The following COL20A1 variants were observed in gnomAD, a reference collection of about 807,000 sequenced individuals.
The protein encoded by COL20A1 is collagen alpha-1(XX) chain.
In COL20A1, 164 loss-of-function variants were observed where a neutral mutation model predicts 152.9. The observed-to-expected ratio is 1.07, with a 90% CI of 0.94 to 1.22. The LOEUF (loss-of-function observed/expected upper bound fraction) is 1.22. COL20A1 is among the 50% of genes most tolerant of loss of function. COL20A1 has a pLI of 0.00. For missense variants in COL20A1, 1,873 were observed against 1,744.8 expected (o/e 1.07, Z -1.31); for synonymous variants, 864 against 756.0 (o/e 1.14, Z -2.34).
In COL20A1 at chr20:63,320,024, C is replaced by T. The variant is rs375000633; in HGVS notation, c.2917-15C>T. 172 of 1,550,440 alleles carry T rather than the reference C, an allele frequency of 1.1e-4. No homozygotes were observed. The highest frequency in any genetic ancestry group is 1.2e-4 in the Non-Finnish European group (141 of 1,147,618). ...CCCGCCTGGGCTGTGGAGAACCTCC[C>T]GTGCCGTCTCACAGGTGCACGTGGC... On this transcript the variant is annotated splice_polypyrimidine_tract_variant and intron_variant, in intron 23 of 35. Coordinates refer to ENST00000358894, the MANE Select transcript of COL20A1 (RefSeq NM_020882.4).
intron 2 of COL20A1, among the ~76,000 whole-genome samples, chr20:63,296,423 C>G (rs2067794742): frequency 6.6e-6 from 1 of 152,278 alleles, no homozygotes; most frequent in Admixed American, 6.5e-5. Context: ...CATTGAGTCC[C>G]TGAGGACAGC....
chr20:63,317,226 A>C (rs1601428049), intron 21 of COL20A1, among the ~76,000 whole-genome samples: 1 of 152,228 alleles, frequency 6.6e-6, no homozygotes, highest in East Asian at 1.9e-4. Flanking sequence ...GCACACCTGC[A>C]GTCCCAGCTA....
intron 25 of COL20A1, 40 bp from the exon 26 acceptor site, chr20:63,320,973 G>T: frequency 6.9e-7 from 1 of 1,448,402 alleles, no homozygotes; most frequent in Non-Finnish European, 9.5e-7. Flanking sequence ...AAGAGCCAGG[G>T]AGAGGGTCTC....
At chr20:63,326,872 A>C (rs2068257987) in intron 31 of COL20A1, 49 bp downstream of exon 31, 3 of 1,358,414 alleles carry the variant, frequency 2.2e-6, no homozygotes, top group East Asian at 5.9e-5. Flanking sequence ...GGGGGAGCGA[A>C]GGGTGCAAGC....
At chr20:63,303,562 T>C (rs2067884029) in intron 3 of COL20A1, among the ~76,000 whole-genome samples, 1 of 152,204 alleles carries the variant, frequency 6.6e-6, no homozygotes, top group South Asian at 2.1e-4. Flanking sequence ...ATTATGAGGC[T>C]TGATACCTGT....
Position 63,326,107 on chromosome 20 carries a change from C to A in COL20A1, c.3414C>A (p.Gly1138=), listed in dbSNP as rs1452812070. The A allele has an allele frequency of 1.2e-6, 2 of 1,612,772 alleles. No individual in the cohort carries two copies. The highest frequency in any genetic ancestry group is 1.1e-5 in the South Asian group (1 of 91,086). Residue 1138 remains glycine (G), a synonymous_variant, in exon 30 of 36, where the codon GGC becomes GGA. Transcript: ENST00000358894. The part of the protein sequence containing the change: ...VGLQGPKGMR[G]LEGTAGLPGP... ...TCCTTTGCCATCAGGGAATGAGAGG[C>A]CTGGAGGGAACTGCTGGCCTGCCTG...
intron 3 of COL20A1, among the ~76,000 whole-genome samples, chr20:63,300,036 C>G (rs1176969837): frequency 6.6e-6 from 1 of 152,094 alleles, no homozygotes; most frequent in African/African-American, 2.4e-5. Flanking sequence ...TCACCTTGAC[C>G]TCCCAAAGCA....
At position 63,311,875 on chromosome 20, in the gene COL20A1, G is replaced by A; in HGVS notation, c.1664-41G>A. 1.3e-6 allele frequency: 2 copies of A among 1,508,270 alleles called. No homozygotes were observed. The highest frequency in any genetic ancestry group is 1.3e-5 in the South Asian group (1 of 79,238). The allele number at this position is 1,508,270 out of a possible 1,614,324, so 93.4% of individuals were successfully genotyped here. ...ACTGCCCACCCTTGCCCCTGCCATG[G>A]AGGCCGCGTGCTGGCCTTGAGGCTC... On this transcript the variant is annotated intron_variant, in intron 13 of 35. Coordinates refer to ENST00000358894, the MANE Select transcript of COL20A1 (RefSeq NM_020882.4). The surrounding 1 kb of genome is among the most constrained non-coding windows in gnomAD (Gnocchi z 4.4).
rs996485219 is a variant in COL20A1 at position 63,332,025 on chromosome 20, C to G, written c.*1309C>G. ...GAGAGAGCGCCTGCACCCACAGGAG[C>G]CACAGCCCTGACTGAGGCCAGGAAG... On this transcript the variant is annotated 3_prime_UTR_variant, in exon 36 of 36. Coordinates refer to ENST00000358894, the MANE Select transcript of COL20A1 (RefSeq NM_020882.4). The G allele has an allele frequency of 6.5e-5, 10 of 152,814 alleles. No individual in the cohort carries two copies. The highest frequency in any genetic ancestry group is 2.4e-4 in the African/African-American group (10 of 41,454). The allele number at this position is 152,814 out of a possible 1,614,324, so 9.5% of individuals were successfully genotyped here. A position where few individuals can be genotyped will look rare whatever the true frequency, so the allele number is the denominator to read the frequency against.
intron 35 of COL20A1, among the ~76,000 whole-genome samples, chr20:63,330,005 G>A (rs1266124029): frequency 6.6e-6 from 1 of 152,152 alleles, no homozygotes; most frequent in African/African-American, 2.4e-5. Context: ...AGCGCAGCAG[G>A]GAGAGTGGAG....
At chr20:63,296,577 C>T (rs1045766298) in intron 2 of COL20A1, among the ~76,000 whole-genome samples, 1 of 152,224 alleles carries the variant, frequency 6.6e-6, no homozygotes, top group Non-Finnish European at 1.5e-5. Flanking sequence ...TCCCACCAGC[C>T]GCTGTCTGCC....
In COL20A1 at chr20:63,332,673, C is replaced by G. The variant is rs1484609526; in HGVS notation, c.*1957C>G. 1.3e-5 allele frequency: 2 copies of G among 152,260 alleles called. No homozygotes were observed. Among genetic ancestry groups the G allele is most frequent in the African/African-American group, 4.8e-5 (2 of 41,450 alleles). The allele number at this position is 152,260 out of a possible 1,614,324, so 9.4% of individuals were successfully genotyped here. Reference sequence around the variant, plus strand: ...CTAATCCCCACCACCCCCTCAGCTGCCCTACCCCCGCCACGCTGGTGTGAC... The same window carrying G: ...CTAATCCCCACCACCCCCTCAGCTGGCCTACCCCCGCCACGCTGGTGTGAC... On this transcript the variant is annotated 3_prime_UTR_variant, in exon 36 of 36. Coordinates refer to ENST00000358894, the MANE Select transcript of COL20A1 (RefSeq NM_020882.4).
In COL20A1 at chr20:63,319,791, T is replaced by C. The variant is rs1362717384; in HGVS notation, c.2916+195T>C. On this transcript the variant is annotated intron_variant, in intron 23 of 35. Transcript: ENST00000358894. This position sits in a 1 kb window ranked among gnomAD's most constrained non-coding sequence, Gnocchi z 4.4. ...TGGAGTTGAAGAGCCTCCCAGCCCATCTCTTTGGGACCCACAGACCCCGGG... is the reference window on the plus strand; with the variant it reads ...TGGAGTTGAAGAGCCTCCCAGCCCACCTCTTTGGGACCCACAGACCCCGGG... Among the ~76,000 whole-genome samples, 1 of 151,950 alleles carries C rather than the reference T, an allele frequency of 6.6e-6. No individual in the cohort carries two copies. Among genetic ancestry groups the C allele is most frequent in the Non-Finnish European group, 1.5e-5 (1 of 67,940 alleles).
At position 63,312,604 on chromosome 20, in the gene COL20A1, C is replaced by T. The variant is rs1197265388; in HGVS notation, c.1933+55C>T. ...CCAGCAGGGTTTCTGTGTCCTTCTG[C>T]CCTGCTAGACAGTTCACATCAAGTG... On this transcript the variant is annotated intron_variant, in intron 15 of 35. Coordinates refer to ENST00000358894, the MANE Select transcript of COL20A1 (RefSeq NM_020882.4). 3.3e-6 allele frequency: 5 copies of T among 1,508,194 alleles called. No individual in the cohort carries two copies. The African/African-American group carries it at 5.6e-5, about 17-fold the overall frequency. The allele number at this position is 1,508,194 out of a possible 1,614,324, so 93.4% of individuals were successfully genotyped here.
At position 63,320,289 on chromosome 20, in the gene COL20A1, A is replaced by T. The variant is rs372977195; in HGVS notation, c.3076-2A>T. 6.2e-7 allele frequency: 1 copy of T among 1,609,644 alleles called. No individual in the cohort carries two copies. Among genetic ancestry groups the T allele is most frequent in the African/African-American group, 1.3e-5 (1 of 74,908 alleles). ...GGCTGAGCCGGCTCCCCTGCGTTGCAGTTTCAGCTCCAGATGCTGCAGATC... is the reference window on the plus strand; with the variant it reads ...GGCTGAGCCGGCTCCCCTGCGTTGCTGTTTCAGCTCCAGATGCTGCAGATC... On this transcript the variant is annotated splice_acceptor_variant, in intron 24 of 35. Coordinates refer to ENST00000358894, the MANE Select transcript of COL20A1 (RefSeq NM_020882.4). LOFTEE classifies it high-confidence loss of function.
Position 63,312,437 on chromosome 20 carries a change from C to A in COL20A1, c.1821C>A (p.Asn607Lys). The change falls in exon 15 of 36, where the codon AAC becomes AAA. Residue 607 changes from asparagine (N) to lysine (K), a missense_variant. Coordinates refer to ENST00000358894, the MANE Select transcript of COL20A1 (RefSeq NM_020882.4). ...GHSGQTEAPG[N>K]ATSATLGPLS... Reference sequence around the variant, plus strand: ...TGCTGCAGACAGAGGCTCCTGGGAACGCCACCTCGGCCACGCTGGGGCCTC... The same window carrying A: ...TGCTGCAGACAGAGGCTCCTGGGAAAGCCACCTCGGCCACGCTGGGGCCTC... The A allele has an allele frequency of 1.3e-6, 2 of 1,597,700 alleles. No individual in the cohort carries two copies. Among genetic ancestry groups the A allele is most frequent in the Non-Finnish European group, 1.7e-6 (2 of 1,174,468 alleles).
In COL20A1 at chr20:63,312,514, G is replaced by A; in HGVS notation, c.1898G>A (p.Gly633Asp). ...CGTGTCACCTGCCTCTACCCTGGGG[G>A]TGGCTCCTCTACGCTGACTGGCCGG... ...TVRVTCLYPG[G>D]GSSTLTGRVT... The change falls in exon 15 of 36, where the codon GGT becomes GAT. Residue 633 changes from glycine to aspartate, a missense_variant. By Grantham distance (94) the Gly-to-Asp change is moderately conservative. Coordinates refer to ENST00000358894, the MANE Select transcript of COL20A1 (RefSeq NM_020882.4). 6.2e-7 allele frequency: 1 copy of A among 1,607,082 alleles called. No homozygotes were observed. Among genetic ancestry groups the A allele is most frequent in the Non-Finnish European group, 8.5e-7 (1 of 1,178,154 alleles).
Position 63,308,539 on chromosome 20 carries a change from A to G in COL20A1, c.776-3A>G, listed in dbSNP as rs2067960325. 6.3e-7 allele frequency: 1 copy of G among 1,584,566 alleles called. No individual in the cohort carries two copies. The highest frequency in any genetic ancestry group is 1.8e-5 in the Admixed American group (1 of 55,536). ...CTGTCACTTTATTCCTGCTGCTCCC[A>G]AGGCCTTGCCCTGACCCACGTGCTG... On this transcript the variant is annotated splice_polypyrimidine_tract_variant and splice_region_variant and intron_variant, in intron 7 of 35. Coordinates refer to ENST00000358894, the MANE Select transcript of COL20A1 (RefSeq NM_020882.4).
Position 63,298,101 on chromosome 20 carries a change from C to T in COL20A1, c.193+81C>T. ...CAGTGTGGTGGCCGCAGCCACCACT[C>T]AGGCCCACAGCATCCCTCCCACCAG... is the stretch of plus-strand genomic sequence containing the variant. On this transcript the variant is annotated intron_variant, in intron 3 of 35. Transcript: ENST00000358894. The T allele has an allele frequency of 5.7e-6, 5 of 882,864 alleles. No homozygotes were observed. The South Asian group carries it at 7.6e-5, about 13-fold the overall frequency. The allele number at this position is 882,864 out of a possible 1,614,324, so 54.7% of individuals were successfully genotyped here.
Sources: allele counts gnomAD v4.1 joint callset (sites outside exome capture counted in the v4.1 genomes callset), GRCh38; gene constraint gnomAD v4.1.1; non-coding constraint Gnocchi (gnomAD v3.1); transcripts MANE v1.5; gene names NCBI Gene and HGNC (gene_info 2026-07-23, HGNC 2026-07-21).